Variants in AGAP1 observed in about 807,000 individuals in gnomAD.
AGAP1 encodes the protein arf-GAP with GTPase, ANK repeat and PH domain-containing protein 1.
AGAP1 carries 29 observed loss-of-function variants against 105.3 expected under a neutral mutation model. The ratio of observed to expected loss-of-function variants is 0.28; its 90% confidence interval spans 0.21 to 0.38. The LOEUF (loss-of-function observed/expected upper bound fraction) is 0.38, where lower values mean the gene tolerates loss of function less well. Among genes scored for constraint, AGAP1 ranks in the 10% least tolerant of loss-of-function variants. The pLI, the probability that AGAP1 is intolerant of heterozygous loss-of-function variation, is 1.00. For synonymous variants in AGAP1, 509 were observed against 485.9 expected (o/e 1.05, Z -0.63); for missense variants, 998 against 1,165.1 (o/e 0.86, Z 2.09).
rs1946284484 is a variant in AGAP1 at position 235,615,661 on chromosome 2, T to A, written c.164-93518T>A. On this transcript the variant is annotated intron_variant, in intron 1 of 17. Coordinates refer to ENST00000304032, the MANE Select transcript of AGAP1 (RefSeq NM_001037131.3). The surrounding 1 kb of genome is among the most constrained non-coding windows in gnomAD (Gnocchi z 5.0). ...CTATGCATTTTGCCTCTTGGGGAGC[T>A]GGGTTATTGTGAAACTAGGTCAAAT... is the stretch of plus-strand genomic sequence containing the variant. Among the ~76,000 whole-genome samples the A allele has an allele frequency of 6.6e-6, 1 of 152,196 alleles. No individual in the cohort carries two copies. Among genetic ancestry groups the A allele is most frequent in the Non-Finnish European group, 1.5e-5 (1 of 68,040 alleles).
chr2:235,742,037 G>A (rs1226346245), intron 4 of AGAP1, among the ~76,000 whole-genome samples: 3 of 152,214 alleles, frequency 2.0e-5, no homozygotes, highest in Admixed American at 6.5e-5. Context: ...ACAGGCGTGA[G>A]CCACCGCGCC....
chr2:235,520,171 C>T (rs1942561870), intron 1 of AGAP1, among the ~76,000 whole-genome samples: 1 of 152,210 alleles, frequency 6.6e-6, no homozygotes, highest in Non-Finnish European at 1.5e-5. Context: ...AAACTTAAAG[C>T]ACACATGACC....
chr2:235,917,829 A>T (rs1009222503), intron 11 of AGAP1, among the ~76,000 whole-genome samples: 1 of 152,278 alleles, frequency 6.6e-6, no homozygotes, highest in African/African-American at 2.4e-5. Flanking sequence ...GTACTTAAGG[A>T]TACATTATCC....
Position 236,089,262 on chromosome 2 carries a change from A to G in AGAP1, c.2115-30930A>G, listed in dbSNP as rs1049984812. Among the ~76,000 whole-genome samples, 1 of 152,216 alleles carries G rather than the reference A, an allele frequency of 6.6e-6. No homozygotes were observed. The highest frequency in any genetic ancestry group is 1.5e-5 in the Non-Finnish European group (1 of 68,038). On this transcript the variant is annotated intron_variant, in intron 16 of 17. Transcript: ENST00000304032. This position sits in a 1 kb window ranked among gnomAD's most constrained non-coding sequence, Gnocchi z 5.6. ...ATAAAAAGTTAAAGTCAGTCTAGTC[A>G]ATTGCTTTAACACAAAGAGCAAACT...
intron 1 of AGAP1, among the ~76,000 whole-genome samples, chr2:235,685,713 T>C (rs1361469854): frequency 6.6e-6 from 1 of 152,058 alleles, no homozygotes; most frequent in Admixed American, 6.6e-5. Flanking sequence ...ACAGAAATAT[T>C]TGGCTCCAGA....
At chr2:236,088,977 T>G (rs527382677) in intron 16 of AGAP1, among the ~76,000 whole-genome samples, 2 of 152,324 alleles carry the variant, frequency 1.3e-5, no homozygotes, top group African/African-American at 4.8e-5. Context: ...AAGAACTCAC[T>G]TCTACCAAAA....
intron 1 of AGAP1, among the ~76,000 whole-genome samples, chr2:235,686,663 A>ATTTT (rs1203340603): frequency 1.8e-4 from 11 of 59,750 alleles, no homozygotes; most frequent in Non-Finnish European, 2.3e-4. Flanking sequence ...ATATATATAT[A>ATTTT]TATTTTTTTT....
Position 235,830,332 on chromosome 2 carries a change from CTCATG to C in AGAP1, c.1050+23005_1050+23009del, listed in dbSNP as rs1270144982. 6.6e-6 allele frequency among the ~76,000 whole-genome samples: 1 copy of C among 152,182 alleles called. No homozygotes were observed. The highest frequency in any genetic ancestry group is 1.5e-5 in the Non-Finnish European group (1 of 68,038). On this transcript the variant is annotated intron_variant, in intron 9 of 17. Coordinates refer to ENST00000304032, the MANE Select transcript of AGAP1 (RefSeq NM_001037131.3). This position sits in a 1 kb window ranked among gnomAD's most constrained non-coding sequence, Gnocchi z 5.5. ...AGATGGAATTTGTCTTCATATTTTG[CTCATG>C]TCAGTGAGGAGATAGATGTGTGCTG...
chr2:235,617,037 C>T (rs1946330036), intron 1 of AGAP1, among the ~76,000 whole-genome samples: 1 of 151,764 alleles, frequency 6.6e-6, no homozygotes, highest in Non-Finnish European at 1.5e-5. Flanking sequence ...GCTGGGCTCA[C>T]ATTTTATGAA....
chr2:236,030,245 C>T (rs1477984035), intron 13 of AGAP1, among the ~76,000 whole-genome samples: 4 of 151,946 alleles, frequency 2.6e-5, no homozygotes, highest in Non-Finnish European at 4.4e-5. Context: ...ACTCCTGACA[C>T]CTTAGGTGAC....
chr2:235,945,186 C>T (rs903806049), intron 12 of AGAP1, among the ~76,000 whole-genome samples: 3 of 152,140 alleles, frequency 2.0e-5, no homozygotes, highest in Non-Finnish European at 4.4e-5. Flanking sequence ...ATGCAAGCTC[C>T]GTCTCCCAGG....
At chr2:235,794,586 C>T (rs892937940) in intron 6 of AGAP1, among the ~76,000 whole-genome samples, 7 of 152,166 alleles carry the variant, frequency 4.6e-5, no homozygotes, top group African/African-American at 1.2e-4. Context: ...ATTCTCGTGC[C>T]TCAGCCTCCC....
chr2:235,822,471 G>A (rs1245434408), intron 9 of AGAP1, among the ~76,000 whole-genome samples: 1 of 147,224 alleles, frequency 6.8e-6, no homozygotes, highest in African/African-American at 2.7e-5. Context: ...AAGCTCAAGG[G>A]TGAGGAAGAG....
At position 235,781,651 on chromosome 2, in the gene AGAP1, C is replaced by A. The variant is rs750439548; in HGVS notation, c.674-16108C>A. ...TCCTAGATTCACAGTCTCGGAGGCA[C>A]CTAGAAGCCTTCGTAAGCCAAACAG... On this transcript the variant is annotated intron_variant, in intron 6 of 17. Coordinates refer to ENST00000304032, the MANE Select transcript of AGAP1 (RefSeq NM_001037131.3). Among the ~76,000 whole-genome samples the A allele has an allele frequency of 2.0e-4, 30 of 152,160 alleles. 1 individual carries two copies. The highest frequency in any genetic ancestry group is 4.3e-4 in the Non-Finnish European group (29 of 67,992).
intron 10 of AGAP1, among the ~76,000 whole-genome samples, chr2:235,886,177 C>T (rs1057486212): frequency 3.9e-5 from 6 of 152,230 alleles, no homozygotes; most frequent in African/African-American, 1.4e-4. Context: ...GGCTTAGCTC[C>T]TCCTATGGAC....
chr2:235,998,936 G>A (rs1221706117), intron 13 of AGAP1, among the ~76,000 whole-genome samples: 1 of 150,326 alleles, frequency 6.7e-6, no homozygotes, highest in Non-Finnish European at 1.5e-5. Flanking sequence ...GATCAATATG[G>A]TATGGTGGTG....
In AGAP1 at chr2:235,883,337, C is replaced by G. The variant is rs2050124725; in HGVS notation, c.1051-8C>G. On this transcript the variant is annotated splice_polypyrimidine_tract_variant and splice_region_variant and intron_variant, in intron 9 of 17. Coordinates refer to ENST00000304032, the MANE Select transcript of AGAP1 (RefSeq NM_001037131.3). This position sits in a 1 kb window ranked among gnomAD's most constrained non-coding sequence, Gnocchi z 4.5. ...TAGAATTTCTATTTGGCTCTTTTTCCCTTGTAGGGCATGCTGTTGAAGCGA... is the reference window on the plus strand; with the variant it reads ...TAGAATTTCTATTTGGCTCTTTTTCGCTTGTAGGGCATGCTGTTGAAGCGA... The G allele has an allele frequency of 6.2e-7, 1 of 1,608,972 alleles. No individual in the cohort carries two copies. The highest frequency in any genetic ancestry group is 8.5e-7 in the Non-Finnish European group (1 of 1,178,138).
In AGAP1 at chr2:235,886,331, C is replaced by T. The variant is rs376686576; in HGVS notation, c.1155+2882C>T. On this transcript the variant is annotated intron_variant, in intron 10 of 17. Transcript: ENST00000304032. ...ATGATACATTTCCAGTCAACATATG[C>T]TCACTGCTGAGCTCAGGCTCAGTCG... Among the ~76,000 whole-genome samples, 19 of 152,372 alleles carry T rather than the reference C, an allele frequency of 1.2e-4. No homozygotes were observed. The East Asian group carries it at 2.9e-3, about 23-fold the overall frequency.
rs1951838381 is a variant in AGAP1, at chr2:235,729,657, C to T, written c.311-11306C>T. 6.6e-6 allele frequency among the ~76,000 whole-genome samples: 1 copy of T among 152,082 alleles called. No homozygotes were observed. The highest frequency in any genetic ancestry group is 1.9e-4 in the East Asian group (1 of 5,186). On this transcript the variant is annotated intron_variant, in intron 3 of 17. Coordinates refer to ENST00000304032, the MANE Select transcript of AGAP1 (RefSeq NM_001037131.3). This position sits in a 1 kb window ranked among gnomAD's most constrained non-coding sequence, Gnocchi z 5.0. ...GGCCTGGAGACAACCTGCTGGCCTCCTTCCATTAAAGCCATTACAGTGTCA... is the reference window on the plus strand; with the variant it reads ...GGCCTGGAGACAACCTGCTGGCCTCTTTCCATTAAAGCCATTACAGTGTCA...
Sources: gnomAD v4.1 joint callset for allele counts (sites outside exome capture counted in the v4.1 genomes callset) on GRCh38, gnomAD v4.1.1 for gene constraint, Gnocchi (gnomAD v3.1) non-coding constraint, MANE v1.5 for transcripts, NCBI Gene and HGNC (gene_info 2026-07-23, HGNC 2026-07-21) for gene names.